STARD8: variants seen among roughly 807,000 people sequenced by gnomAD.
The protein encoded by STARD8 is StAR related lipid transfer domain containing 8, also known as stAR-related lipid transfer protein 8.
STARD8 carries 25 observed loss-of-function variants against 69.4 expected under a neutral mutation model. The ratio of observed to expected loss-of-function variants is 0.36; its 90% confidence interval spans 0.26 to 0.50. The LOEUF is 0.50. Among genes scored for constraint, STARD8 ranks in the 20% least tolerant of loss-of-function variants. The pLI is 0.96. For synonymous variants in STARD8, 389 were observed against 374.6 expected, an observed-to-expected ratio of 1.04 and a Z score of -0.45; for missense variants, 921 against 932.5, an observed-to-expected ratio of 0.99 and a Z score of 0.16.
intron 2 of STARD8, among the ~76,000 whole-genome samples, chrX:68,684,334 A>G (rs1281462557): frequency 8.9e-6 from 1 of 112,469 alleles, no homozygotes; most frequent in Non-Finnish European, 1.9e-5. Flanking sequence ...GCTCTTTCAT[A>G]TCACTGTTCT....
At position 68,647,928 on chromosome X, in the gene STARD8, G is replaced by A; in HGVS notation, c.45+1G>A. 8.3e-7 allele frequency: 1 copy of A among 1,198,507 alleles called. No individual in the cohort carries two copies. Among genetic ancestry groups the A allele is most frequent in the Non-Finnish European group, 1.1e-6 (1 of 888,905 alleles). The stretch of plus-strand genomic sequence containing the variant: ...CTGGTCTTGCTTCAGGAAGGTGAAG[G>A]TAAGTGACTGGCCAGCCCCAGCCCA... On this transcript the variant is annotated splice_donor_variant, in intron 1 of 14. Transcript: ENST00000374599. LOFTEE classifies it high-confidence loss of function.
chrX:68,722,375 T>C (rs778942249), intron 11 of STARD8, 47 bp from the exon 12 acceptor site: 1 of 1,103,356 alleles, frequency 9.1e-7, no homozygotes, highest in Non-Finnish European at 1.2e-6. Context: ...CCCCATGGGG[T>C]CTCCTGCTCT....
intron 2 of STARD8, among the ~76,000 whole-genome samples, chrX:68,705,109 T>A (rs3790350): frequency 0.25 from 28,335 of 111,619 alleles, 3,539 homozygotes; most frequent in African/African-American, 0.49. Flanking sequence ...CTAGGCACCA[T>A]GACCTTGTCA....
chrX:68,725,012 A>T lies in STARD8; in HGVS notation c.*590A>T, dbSNP rs1275687150. The T allele has an allele frequency of 8.9e-6, 1 of 111,959 alleles. No individual in the cohort carries two copies. The highest frequency in any genetic ancestry group is 9.4e-5 in the Admixed American group (1 of 10,612). The allele number at this position is 111,959 out of a possible 1,213,427, so 9.2% of individuals were successfully genotyped here. On this transcript the variant is annotated 3_prime_UTR_variant, in exon 15 of 15. Coordinates refer to ENST00000374599, the MANE Select transcript of STARD8 (RefSeq NM_001142503.3). ...TTGTGTAAATACGATGCTGAATTTT[A>T]TGAGGCTGAGTTAAGAGTGGGCACT...
At chrX:68,685,123 C>T (rs980275841) in intron 2 of STARD8, among the ~76,000 whole-genome samples, 3 of 112,207 alleles carry the variant, frequency 2.7e-5, no homozygotes, top group African/African-American at 9.7e-5. Context: ...AGTAGCTTAG[C>T]TCTAGATTCC....
At chrX:68,710,883 T>G (rs1013538098) in intron 2 of STARD8, among the ~76,000 whole-genome samples, 3 of 112,038 alleles carry the variant, frequency 2.7e-5, no homozygotes, top group African/African-American at 9.8e-5. Context: ...CCAGGATGCG[T>G]GCTAAGATGG....
At chrX:68,691,595 T>C (rs1199516440) in intron 2 of STARD8, among the ~76,000 whole-genome samples, 3 of 112,538 alleles carry the variant, frequency 2.7e-5, no homozygotes, top group Non-Finnish European at 5.6e-5. Flanking sequence ...GCAAATATCA[T>C]GATTGTAGCT....
At chrX:68,649,314 C>A (rs1276399451) in intron 1 of STARD8, among the ~76,000 whole-genome samples, 2 of 110,717 alleles carry the variant, frequency 1.8e-5, no homozygotes, top group Non-Finnish European at 3.8e-5. Flanking sequence ...TGGTAGTGGG[C>A]TGGGGGAAAG....
chrX:68,694,697 C>T (rs1298857885), intron 2 of STARD8, among the ~76,000 whole-genome samples: 1 of 111,503 alleles, frequency 9.0e-6, no homozygotes, highest in African/African-American at 3.3e-5. Flanking sequence ...TACTTGGTAC[C>T]TGGGGTCAGG....
chrX:68,673,614 G>A (rs2079744075), intron 2 of STARD8, among the ~76,000 whole-genome samples: 1 of 112,335 alleles, frequency 8.9e-6, no homozygotes, highest in South Asian at 3.7e-4. Flanking sequence ...TTTCTGGGCT[G>A]AGGAACATGG....
rs374066072 is a variant in STARD8 at position 68,723,646 on chromosome X, G to A, written c.2820G>A (p.Leu940=). 637 of 1,196,554 alleles carry A rather than the reference G, an allele frequency of 5.3e-4. 2 individuals carry two copies. Among genetic ancestry groups the A allele is most frequent in the Admixed American group, 1.1e-3 (51 of 44,543 alleles). ...ACRKAPDGHP[L]RLWKASTEVA... ...CACAGGCACCGGATGGGCACCCCCT[G>A]CGGCTATGGAAGGCATCCACAGAGG... Residue 940 remains leucine (L), a synonymous_variant, in exon 13 of 15, where the codon CTG becomes CTA. Transcript: ENST00000374599.
Position 68,725,268 on chromosome X carries a change from C to G in STARD8, c.*846C>G, listed in dbSNP as rs756348668. The G allele has an allele frequency of 1.8e-5, 2 of 109,721 alleles. No homozygotes were observed. The highest frequency in any genetic ancestry group is 8.0e-4 in the South Asian group (2 of 2,512). 9.0% of individuals were successfully genotyped at this position (109,721 alleles called of 1,213,427 possible). A position where few individuals can be genotyped will look rare whatever the true frequency, so the allele number is the denominator to read the frequency against. ...AAGAGACAAGGGTCTATGTCATCAT[C>G]CCTTTTGCTTATGGTAGTGGGCTAA... On this transcript the variant is annotated 3_prime_UTR_variant, in exon 15 of 15. Coordinates refer to ENST00000374599, the MANE Select transcript of STARD8 (RefSeq NM_001142503.3).
intron 1 of STARD8, among the ~76,000 whole-genome samples, chrX:68,655,306 G>A (rs6653263): frequency 0.05 from 5,624 of 111,696 alleles, 141 homozygotes; most frequent in African/African-American, 0.1. Context: ...AGCCAGCCAC[G>A]TCTTAATTAC....
chrX:68,673,333 T>C (rs910448312), intron 2 of STARD8, among the ~76,000 whole-genome samples: 1 of 112,293 alleles, frequency 8.9e-6, no homozygotes. Flanking sequence ...GCCAAGTACA[T>C]GCTTTTTGTT....
chrX:68,684,862 A>T (rs951442148), intron 2 of STARD8, among the ~76,000 whole-genome samples: 5 of 112,713 alleles, frequency 4.4e-5, no homozygotes, highest in African/African-American at 1.6e-4. Flanking sequence ...TCACTGTGTG[A>T]CCTTGGACAA....
intron 2 of STARD8, among the ~76,000 whole-genome samples, chrX:68,687,465 CT>C (rs1305244197): frequency 8.9e-6 from 1 of 111,969 alleles, no homozygotes; most frequent in Non-Finnish European, 1.9e-5. Flanking sequence ...TCCAAAGTAG[CT>C]GGGATTATTG....
At chrX:68,695,431 C>T (rs750759988) in intron 2 of STARD8, among the ~76,000 whole-genome samples, 2 of 111,481 alleles carry the variant, frequency 1.8e-5, no homozygotes, top group African/African-American at 6.5e-5. Flanking sequence ...CTCCCTAGAC[C>T]TCTATATTTA....
In STARD8 at chrX:68,709,114, G is replaced by A. The variant is rs944548821; in HGVS notation, c.80-3800G>A. On this transcript the variant is annotated intron_variant, in intron 2 of 14. Coordinates refer to ENST00000374599, the MANE Select transcript of STARD8 (RefSeq NM_001142503.3). Reference sequence around the variant, plus strand: ...GGGGCCTCCCAGCCCTCCATGAGATGGTGTATTGTGGGGAGCCAATGTCCC... The same window carrying A: ...GGGGCCTCCCAGCCCTCCATGAGATAGTGTATTGTGGGGAGCCAATGTCCC... Among the ~76,000 whole-genome samples, 6 of 112,447 alleles carry A rather than the reference G, an allele frequency of 5.3e-5. No individual in the cohort carries two copies. The South Asian group carries it at 2.2e-3, about 42-fold the overall frequency.
chrX:68,653,020 C>T (rs1602534645), intron 1 of STARD8, among the ~76,000 whole-genome samples: 1 of 31,000 alleles, frequency 3.2e-5, no homozygotes, highest in Non-Finnish European at 6.3e-5. Context: ...ACCACACACA[C>T]ACACCCCACA....
Sources: allele counts gnomAD v4.1 joint callset (sites outside exome capture counted in the v4.1 genomes callset), GRCh38; gene constraint gnomAD v4.1.1; transcripts MANE v1.5; gene names NCBI Gene and HGNC (gene_info 2026-07-23, HGNC 2026-07-21).